The following HEPH variants were observed in gnomAD, a reference collection of about 807,000 sequenced individuals.
HEPH encodes hephaestin.
In HEPH, 69 loss-of-function variants were observed where a neutral mutation model predicts 80.8. That is an observed-to-expected ratio of 0.85 (90% CI 0.70 to 1.04). The LOEUF is 1.04. HEPH is among the 50% of genes least tolerant of loss of function. The pLI is 0.00. For missense variants in HEPH, 1,115 were observed against 891.3 expected (o/e 1.25, Z -3.20); for synonymous variants, 431 against 322.8 (o/e 1.34, Z -3.60).
At chrX:66,268,091 A>G (rs1266609121), downstream of HEPH, 4 of 112,238 alleles carry the variant, frequency 3.6e-5, no homozygotes, top group Admixed American at 3.8e-4. Flanking sequence ...AAGCTTATGG[A>G]CATTAAGTAA....
chrX:66,263,497 G>A, intron 19 of HEPH, 147 bp from the exon 20 acceptor site: 1 of 526,024 alleles, frequency 1.9e-6, no homozygotes. Context: ...ATATTGACTT[G>A]GACTATAAAG....
intron 15 of HEPH, among the ~76,000 whole-genome samples, chrX:66,241,132 C>G (rs765051111): frequency 8.9e-6 from 1 of 112,167 alleles, no homozygotes; most frequent in Non-Finnish European, 1.9e-5. Context: ...AAATAAAAAA[C>G]CACTACCATC....
intron 4 of HEPH, among the ~76,000 whole-genome samples, chrX:66,174,099 G>A (rs756837018): frequency 9.2e-6 from 1 of 109,153 alleles, no homozygotes; most frequent in Non-Finnish European, 1.9e-5. Flanking sequence ...TGAGATTTTG[G>A]TGCACCTATC....
intron 20 of HEPH, 117 bp from the exon 21 acceptor site, chrX:66,266,323 G>T (rs976375722): frequency 4.0e-6 from 2 of 504,283 alleles, no homozygotes; most frequent in Non-Finnish European, 6.7e-6. Flanking sequence ...TGAAGGATAA[G>T]GACAGGCCTC....
chrX:66,209,221 G>T (rs756600743), intron 15 of HEPH, among the ~76,000 whole-genome samples: 4 of 112,001 alleles, frequency 3.6e-5, no homozygotes, highest in Admixed American at 2.8e-4. Context: ...GAAGAAAAGG[G>T]TATTTAATCT....
At chrX:66,196,802 A>C (rs951994718) in intron 9 of HEPH, among the ~76,000 whole-genome samples, 1 of 111,503 alleles carries the variant, frequency 9.0e-6, no homozygotes, top group South Asian at 3.8e-4. Context: ...TTGTTTGATT[A>C]TTTCATGTTG....
At chrX:66,210,330 TAGAG>T (rs1569339986) in intron 15 of HEPH, among the ~76,000 whole-genome samples, 1 of 111,905 alleles carries the variant, frequency 8.9e-6, no homozygotes, top group African/African-American at 3.2e-5. Flanking sequence ...TAGAATGTAT[TAGAG>T]AGTAATCGGG....
chrX:66,168,522 A>G (rs994538113), intron 1 of HEPH, among the ~76,000 whole-genome samples: 3 of 111,853 alleles, frequency 2.7e-5, no homozygotes, highest in African/African-American at 9.7e-5. Context: ...AAAGGACCCC[A>G]AAACAGATCC....
At chrX:66,180,622 T>A (rs1329602625) in intron 4 of HEPH, among the ~76,000 whole-genome samples, 1 of 100,915 alleles carries the variant, frequency 9.9e-6, no homozygotes, top group East Asian at 2.9e-4. Flanking sequence ...ATTTCCCAGG[T>A]GTTCTTTTTT....
chrX:66,189,519 T>A (rs889998606), intron 5 of HEPH, among the ~76,000 whole-genome samples, 165 bp from the exon 6 acceptor site: 1 of 111,679 alleles, frequency 9.0e-6, no homozygotes, highest in Non-Finnish European at 1.9e-5. Flanking sequence ...ATCTGCCTAT[T>A]TCTCAGGGAT....
intron 15 of HEPH, among the ~76,000 whole-genome samples, chrX:66,226,400 A>G (rs987397377): frequency 3.6e-5 from 4 of 112,328 alleles, no homozygotes; most frequent in African/African-American, 1.3e-4. Context: ...TGGAGAAACA[A>G]GAACAAATCA....
At chrX:66,196,196 G>A (rs1164542222) in intron 9 of HEPH, among the ~76,000 whole-genome samples, 1 of 111,213 alleles carries the variant, frequency 9.0e-6, no homozygotes, top group Non-Finnish European at 1.9e-5. Flanking sequence ...GCATTATAGC[G>A]ACATAGGAGA....
intron 19 of HEPH, 100 bp downstream of exon 19, chrX:66,260,362 C>A (rs73630918): frequency 1.1e-4 from 75 of 663,324 alleles, no homozygotes; most frequent in Non-Finnish European, 1.7e-4. Context: ...TCCTTCTGAT[C>A]CCACAATAAG....
chrX:66,254,100 T>A (rs1298646474), intron 15 of HEPH, among the ~76,000 whole-genome samples: 1 of 111,746 alleles, frequency 8.9e-6, no homozygotes, highest in Non-Finnish European at 1.9e-5. Flanking sequence ...GCAAATTACA[T>A]CTCAATAAAG....
At chrX:66,193,434 T>G (rs764702843) in intron 7 of HEPH, 68 bp from the exon 8 acceptor site, 1 of 743,609 alleles carries the variant, frequency 1.3e-6, no homozygotes, top group East Asian at 3.6e-5. Flanking sequence ...TTGGTGAGAC[T>G]AAGGGTGAGA....
intron 15 of HEPH, among the ~76,000 whole-genome samples, chrX:66,242,903 C>T (rs1270255627): frequency 8.9e-6 from 1 of 111,956 alleles, no homozygotes; most frequent in Non-Finnish European, 1.9e-5. Context: ...AATGCTCATA[C>T]ACTGCTGGCA....
rs765793315 is a variant in HEPH at position 66,188,549 on chromosome X, G to T, written c.808+8G>T. The T allele has an allele frequency of 1.8e-5, 22 of 1,191,744 alleles. No individual in the cohort carries two copies. The highest frequency in any genetic ancestry group is 1.9e-5 in the Non-Finnish European group (17 of 882,096). On this transcript the variant is annotated splice_region_variant and intron_variant, in intron 5 of 20. Coordinates refer to ENST00000343002, the MANE Select transcript of HEPH (RefSeq NM_001367233.3). ...AGAGCAATAGGATGCATGGTGAGTT[G>T]GGAAAAGGTGGCCACATTGTGACAG...
At position 66,263,664 on chromosome X, in the gene HEPH, G is replaced by A. The variant is rs1480245844; in HGVS notation, c.3220G>A (p.Val1074Ile). Residue 1074 changes from valine (V) to isoleucine (I), a missense_variant, in exon 20 of 21, where the codon GTC becomes ATC. By Grantham distance (29) the Val-to-Ile change is conservative (BLOSUM62 3). Coordinates refer to ENST00000343002, the MANE Select transcript of HEPH (RefSeq NM_001367233.3). ...ACCAGAACACTTAAGCCCTCTCACCGTCATCACCAAAGAGACTGAAAAAGG... is the reference window on the plus strand; with the variant it reads ...ACCAGAACACTTAAGCCCTCTCACCATCATCACCAAAGAGACTGAAAAAGG... ...SRTEHLSPLTVITKETEKAVP... is the reference protein window; with the variant it reads ...SRTEHLSPLTIITKETEKAVP... 5.0e-6 allele frequency: 6 copies of A among 1,207,801 alleles called. No individual in the cohort carries two copies. The highest frequency in any genetic ancestry group is 3.5e-5 in the African/African-American group (2 of 56,855).
chrX:66,235,411 A>G (rs1480295056), intron 15 of HEPH, among the ~76,000 whole-genome samples: 1 of 112,199 alleles, frequency 8.9e-6, no homozygotes, highest in African/African-American at 3.2e-5. Context: ...AGTCTTCTGC[A>G]TATGGCTAGT....
Sources: gnomAD v4.1 joint callset for allele counts (sites outside exome capture counted in the v4.1 genomes callset) on GRCh38, gnomAD v4.1.1 for gene constraint, MANE v1.5 for transcripts, NCBI Gene and HGNC (gene_info 2026-07-23, HGNC 2026-07-21) for gene names.